Variants in TMEM87B observed in about 807,000 individuals in gnomAD.
The protein encoded by TMEM87B is transmembrane protein 87B.
Under a neutral mutation model 80.3 loss-of-function variants are expected in TMEM87B, and 83 were observed. The ratio of observed to expected loss-of-function variants is 1.03; its 90% CI spans 0.87 to 1.24. The LOEUF (loss-of-function observed/expected upper bound fraction) is 1.24, where lower values mean the gene tolerates loss of function less well. Ranked by LOEUF, TMEM87B falls within the 50% of genes most tolerant of loss-of-function variation. The pLI is 0.00. For missense variants in TMEM87B, 625 were observed against 674.4 expected (o/e 0.93, Z 0.81); for synonymous variants, 219 against 230.5 (o/e 0.95, Z 0.45).
At chr2:112,072,161 T>C (rs1654325159) in intron 4 of TMEM87B, among the ~76,000 whole-genome samples, 1 of 152,230 alleles carries the variant, frequency 6.6e-6, no homozygotes, top group African/African-American at 2.4e-5. Context: ...AACTTTTTGA[T>C]GTGCTGCTGG....
intron 10 of TMEM87B, 134 bp downstream of exon 10, chr2:112,089,852 G>T (rs1041326120): frequency 1.3e-6 from 1 of 773,742 alleles, no homozygotes; most frequent in Non-Finnish European, 2.1e-6. Context: ...TCTATGGGAT[G>T]TTTCCCTTTT....
intron 4 of TMEM87B, among the ~76,000 whole-genome samples, chr2:112,071,441 A>G (rs961888520): frequency 7.2e-5 from 11 of 151,942 alleles, no homozygotes; most frequent in African/African-American, 2.7e-4. Context: ...AGCTGGGATT[A>G]CAGGCACCTG....
intron 18 of TMEM87B, 125 bp downstream of exon 18, chr2:112,113,054 A>G: frequency 1.1e-6 from 1 of 875,582 alleles, no homozygotes; most frequent in East Asian, 2.6e-5. Context: ...GAAAGATGCT[A>G]TGAATTGATT....
At chr2:112,090,324 T>G (rs566324324) in intron 10 of TMEM87B, among the ~76,000 whole-genome samples, 1 of 152,278 alleles carries the variant, frequency 6.6e-6, no homozygotes, top group Admixed American at 6.5e-5. Flanking sequence ...ATTTCTAGCT[T>G]CAGTTTTTTT....
chr2:112,056,976 A>G (rs1309632204), intron 1 of TMEM87B, among the ~76,000 whole-genome samples: 1 of 152,236 alleles, frequency 6.6e-6, no homozygotes, highest in South Asian at 2.1e-4. Flanking sequence ...TTGCATGCAT[A>G]TTGTTGGATT....
intron 1 of TMEM87B, among the ~76,000 whole-genome samples, chr2:112,058,277 T>C (rs1179673371): frequency 6.6e-6 from 1 of 152,256 alleles, no homozygotes; most frequent in Non-Finnish European, 1.5e-5. Flanking sequence ...TTTCCATGCC[T>C]GAGCTTGGCC....
chr2:112,099,551 TATATAC>T (rs68192324), intron 14 of TMEM87B, among the ~76,000 whole-genome samples: 29,128 of 120,358 alleles, frequency 0.24, 2,881 homozygotes, highest in Middle Eastern at 0.32. Flanking sequence ...TATATATATA[TATATAC>T]ACACACACAC....
At position 112,116,372 on chromosome 2, in the gene TMEM87B, GTAT is replaced by G. The variant is rs1311438014; in HGVS notation, c.*233_*235del. On this transcript the variant is annotated 3_prime_UTR_variant, in exon 19 of 19. Coordinates refer to ENST00000283206, the MANE Select transcript of TMEM87B (RefSeq NM_032824.3). ...TGGATTTGGAAATAACCTGAGGAAA[GTAT>G]TATGATAAAGATCTGCACAGATGCC... The G allele has an allele frequency of 4.3e-6, 2 of 461,730 alleles. No homozygotes were observed. The highest frequency in any genetic ancestry group is 5.8e-4 in the Middle Eastern group (1 of 1,732). The allele number at this position is 461,730 out of a possible 1,614,324, so 28.6% of individuals were successfully genotyped here.
intron 2 of TMEM87B, among the ~76,000 whole-genome samples, chr2:112,062,908 C>T (rs1281671311): frequency 6.6e-6 from 1 of 152,174 alleles, no homozygotes; most frequent in African/African-American, 2.4e-5. Context: ...AATTGTTGGG[C>T]TTGTTCCTAT....
At chr2:112,092,749 C>T (rs916117336) in intron 11 of TMEM87B, among the ~76,000 whole-genome samples, 2 of 152,090 alleles carry the variant, frequency 1.3e-5, no homozygotes, top group African/African-American at 2.4e-5. Flanking sequence ...ACTGGATCCT[C>T]GAGGGTCTTC....
intron 4 of TMEM87B, among the ~76,000 whole-genome samples, chr2:112,071,246 A>G (rs1191946576): frequency 6.6e-6 from 1 of 151,952 alleles, no homozygotes; most frequent in African/African-American, 2.4e-5. Context: ...GATTGCATTC[A>G]TGATTTGGCT....
intron 18 of TMEM87B, among the ~76,000 whole-genome samples, chr2:112,115,590 G>C (rs1448294016): frequency 6.6e-6 from 1 of 152,162 alleles, no homozygotes; most frequent in African/African-American, 2.4e-5. Flanking sequence ...TAATTCATTT[G>C]TAATTTCAAT....
chr2:112,112,825 C>T (rs1396572076), intron 17 of TMEM87B, 74 bp from the exon 18 acceptor site: 2 of 1,394,600 alleles, frequency 1.4e-6, no homozygotes, highest in East Asian at 2.3e-5. Context: ...TGGCATGTGC[C>T]TGTATTCGGC....
At position 112,066,967 on chromosome 2, in the gene TMEM87B, A is replaced by G. The variant is rs754092420; in HGVS notation, c.350A>G (p.Asp117Gly). 6 of 1,610,356 alleles carry G rather than the reference A, an allele frequency of 3.7e-6. No homozygotes were observed. In the South Asian group the frequency reaches 5.6e-5, roughly 15 times the overall value. Residue 117 changes from aspartate to glycine, a missense_variant, in exon 4 of 19, where the codon GAT (aspartate) becomes GGT (glycine). Transcript: ENST00000283206. ...ELFQKHKLSV[D>G]EDFCHYLKND... ...TTCCAAAAACATAAACTTAGTGTTG[A>G]TGAAGACTTTTGTCATTATTTGAAG...
intron 10 of TMEM87B, among the ~76,000 whole-genome samples, chr2:112,090,727 G>T (rs971444274): frequency 2.0e-5 from 3 of 152,064 alleles, no homozygotes; most frequent in Non-Finnish European, 4.4e-5. Context: ...TACCACTCAT[G>T]GTTGCTTCAG....
chr2:112,097,149 C>A lies in TMEM87B; in HGVS notation c.1210C>A (p.Leu404Met). The A allele has an allele frequency of 6.3e-7, 1 of 1,595,056 alleles. No individual in the cohort carries two copies. The highest frequency in any genetic ancestry group is 1.2e-5 in the South Asian group (1 of 86,754). The change falls in exon 12 of 19, where the codon CTG (leucine) becomes ATG (methionine). Residue 404 changes from leucine to methionine, a missense_variant. Coordinates refer to ENST00000283206, the MANE Select transcript of TMEM87B (RefSeq NM_032824.3). Reference protein sequence around the residue: ...HFKNTLIFAVLASIVFMGWTT... With the variant: ...HFKNTLIFAVMASIVFMGWTT... ...TAAAAATACTCTGATCTTTGCTGTGCTGGGTAAGCTATTTAATTTTTCTTA... is the reference window on the plus strand; with the variant it reads ...TAAAAATACTCTGATCTTTGCTGTGATGGGTAAGCTATTTAATTTTTCTTA...
chr2:112,096,200 G>T (rs1196939117), intron 11 of TMEM87B, among the ~76,000 whole-genome samples: 1 of 151,950 alleles, frequency 6.6e-6, no homozygotes, highest in African/African-American at 2.4e-5. Flanking sequence ...TCCACTGATC[G>T]ATCTGAACAA....
At chr2:112,076,880 GTGTGT>G (rs1558835623) in intron 5 of TMEM87B, among the ~76,000 whole-genome samples, 13 of 139,020 alleles carry the variant, frequency 9.4e-5, no homozygotes, top group Non-Finnish European at 6.3e-5. Flanking sequence ...GTGTGTGTGT[GTGTGT>G]GTGTCTGTGT....
intron 2 of TMEM87B, among the ~76,000 whole-genome samples, chr2:112,063,829 G>A (rs1466919435): frequency 6.6e-6 from 1 of 152,218 alleles, no homozygotes; most frequent in Non-Finnish European, 1.5e-5. Flanking sequence ...TGGCACACAG[G>A]ATGGGGCTCA....
Sources: allele counts gnomAD v4.1 joint callset (sites outside exome capture counted in the v4.1 genomes callset), GRCh38; gene constraint gnomAD v4.1.1; transcripts MANE v1.5; gene names NCBI Gene and HGNC (gene_info 2026-07-23, HGNC 2026-07-21).